The following PRDM5 variants were observed in gnomAD, a reference collection of about 807,000 sequenced individuals.
PRDM5 encodes the protein PR domain zinc finger protein 5.
PRDM5 carries 56 observed loss-of-function variants against 81.2 expected under a neutral mutation model. The ratio of observed to expected loss-of-function variants is 0.69; its 90% CI spans 0.56 to 0.86. The LOEUF (loss-of-function observed/expected upper bound fraction) is 0.86, where lower values mean the gene tolerates loss of function less well. Among genes scored for constraint, PRDM5 ranks in the 40% least tolerant of loss-of-function variants. PRDM5 has a pLI of 0.00. For synonymous variants in PRDM5, 267 were observed against 256.4 expected, an observed-to-expected ratio of 1.04 and a Z score of -0.39; for missense variants, 697 against 770.1, an observed-to-expected ratio of 0.91 and a Z score of 1.12.
intron 2 of PRDM5, among the ~76,000 whole-genome samples, chr4:120,899,050 T>A (rs1250605116): frequency 6.6e-6 from 1 of 152,216 alleles, no homozygotes; most frequent in African/African-American, 2.4e-5. Flanking sequence ...TTTTTCATAT[T>A]TCCTTACTTC....
chr4:120,808,425 C>G (rs1171211676), intron 8 of PRDM5, among the ~76,000 whole-genome samples: 2 of 152,158 alleles, frequency 1.3e-5, no homozygotes, highest in East Asian at 3.9e-4. Flanking sequence ...ACACAGGGTG[C>G]TGATTGGTGT....
At chr4:120,742,804 T>C (rs1742278094) in intron 14 of PRDM5, among the ~76,000 whole-genome samples, 1 of 151,920 alleles carries the variant, frequency 6.6e-6, no homozygotes, top group South Asian at 2.1e-4. Context: ...TACGTCTGAT[T>C]GGTGTACCTG....
chr4:120,690,448 T>C (rs1733998329), downstream of PRDM5, among the ~76,000 whole-genome samples: 1 of 152,096 alleles, frequency 6.6e-6, no homozygotes, highest in Non-Finnish European at 1.5e-5. Context: ...AAGCACTCAA[T>C]TCAGTGCTGT....
At chr4:120,883,809 C>T (rs897205215) in intron 2 of PRDM5, among the ~76,000 whole-genome samples, 4 of 152,040 alleles carry the variant, frequency 2.6e-5, no homozygotes, top group African/African-American at 7.2e-5. Context: ...CATAGCTCTT[C>T]AAATGAAACT....
chr4:120,832,167 G>A lies in PRDM5; in HGVS notation c.301-10822C>T, dbSNP rs902436626. ...ACTAGGATATTTATAAAGGAAAGAG[G>A]TTTAATTAACTCACAGTTCTGCATG... On this transcript the variant is annotated intron_variant, in intron 3 of 15. Transcript: ENST00000264808. 2.0e-5 allele frequency among the ~76,000 whole-genome samples: 3 copies of A among 152,128 alleles called. No individual in the cohort carries two copies. In the East Asian group the frequency reaches 5.8e-4, roughly 29 times the overall value.
At chr4:120,705,905 T>C (rs1029997998) in intron 15 of PRDM5, among the ~76,000 whole-genome samples, 23 of 152,058 alleles carry the variant, frequency 1.5e-4, no homozygotes, top group Non-Finnish European at 2.6e-4. Flanking sequence ...GTAGAACCAA[T>C]TGGATATGCT....
At chr4:120,777,307 A>C (rs373558341) in intron 12 of PRDM5, 26 bp from the exon 13 acceptor site, 2 of 1,612,914 alleles carry the variant, frequency 1.2e-6, no homozygotes, top group Admixed American at 3.3e-5. Flanking sequence ...TAAAAAGGCT[A>C]AGGATAAATA....
intron 14 of PRDM5, among the ~76,000 whole-genome samples, chr4:120,727,799 A>G (rs2149076025): frequency 6.6e-6 from 1 of 152,088 alleles, no homozygotes; most frequent in Middle Eastern, 3.4e-3. Flanking sequence ...TTAGCTGGAC[A>G]GTGGCTCACG....
At chr4:120,703,275 T>C (rs1735641063) in intron 15 of PRDM5, among the ~76,000 whole-genome samples, 1 of 152,154 alleles carries the variant, frequency 6.6e-6, no homozygotes, top group African/African-American at 2.4e-5. Flanking sequence ...AGCCTTGAAT[T>C]CCTAGGCTCA....
intron 14 of PRDM5, among the ~76,000 whole-genome samples, chr4:120,726,728 C>T (rs1739466378): frequency 6.6e-6 from 1 of 152,192 alleles, no homozygotes; most frequent in African/African-American, 2.4e-5. Flanking sequence ...CAAAGGGCCT[C>T]TCTCCAGGCA....
chr4:120,750,687 T>TACACACACAC (rs56024428), intron 14 of PRDM5, among the ~76,000 whole-genome samples: 236 of 147,626 alleles, frequency 1.6e-3, no homozygotes, highest in East Asian at 9.6e-3. Flanking sequence ...TAGTTTCTTT[T>TACACACACAC]ACACACACAC....
intron 2 of PRDM5, among the ~76,000 whole-genome samples, chr4:120,865,514 C>G (rs1334235704): frequency 1.3e-5 from 2 of 151,076 alleles, no homozygotes; most frequent in African/African-American, 2.4e-5. Flanking sequence ...ACTGGGTTAC[C>G]ACCAGCTGCT....
rs1578560281 is a variant in PRDM5, at chr4:120,695,295, C to A, written c.1729-20G>T. The A allele has an allele frequency of 6.2e-7, 1 of 1,612,648 alleles. No homozygotes were observed. Among genetic ancestry groups the A allele is most frequent in the Non-Finnish European group, 8.5e-7 (1 of 1,179,214 alleles). On this transcript the variant is annotated intron_variant, in intron 15 of 15. Coordinates refer to ENST00000264808, the MANE Select transcript of PRDM5 (RefSeq NM_018699.4). ...ACAAACCTAGAAAAGACCCAAAGACCAACCATATTATACTGAAATAAACAA... is the reference window on the plus strand; with the variant it reads ...ACAAACCTAGAAAAGACCCAAAGACAAACCATATTATACTGAAATAAACAA...
At chr4:120,812,768 C>T (rs1232605823) in intron 7 of PRDM5, 1 of 409,042 alleles carries the variant, frequency 2.4e-6, no homozygotes. Flanking sequence ...TCATATACCA[C>T]CTTTCTCATA....
downstream of PRDM5, among the ~76,000 whole-genome samples, chr4:120,691,117 A>G (rs531132468): frequency 6.6e-6 from 1 of 152,100 alleles, no homozygotes; most frequent in Non-Finnish European, 1.5e-5. Flanking sequence ...TGTGTTAAGA[A>G]TTTTTTTAAA....
At chr4:120,883,525 G>GT (rs1209915613) in intron 2 of PRDM5, among the ~76,000 whole-genome samples, 1 of 143,544 alleles carries the variant, frequency 7.0e-6, no homozygotes, top group Non-Finnish European at 1.5e-5. Context: ...TCTGAAACTG[G>GT]TTCTAAGAAG....
intron 10 of PRDM5, among the ~76,000 whole-genome samples, chr4:120,791,156 T>G (rs1750516998): frequency 6.6e-6 from 1 of 152,160 alleles, no homozygotes; most frequent in Non-Finnish European, 1.5e-5. Flanking sequence ...TAAAGTAGAC[T>G]TCCTATTTGA....
At chr4:120,909,058 A>C (rs1046062508) in intron 1 of PRDM5, among the ~76,000 whole-genome samples, 1 of 152,376 alleles carries the variant, frequency 6.6e-6, no homozygotes, top group East Asian at 1.9e-4. Flanking sequence ...CATGTGCTGC[A>C]TTCCAAATAA....
intron 13 of PRDM5, among the ~76,000 whole-genome samples, chr4:120,764,150 AATAG>A (rs1746039867): frequency 6.6e-6 from 1 of 152,228 alleles, no homozygotes; most frequent in African/African-American, 2.4e-5. Context: ...ATAATTTACC[AATAG>A]ATAAAGCTGT....
Sources: allele counts gnomAD v4.1 joint callset (sites outside exome capture counted in the v4.1 genomes callset), GRCh38; gene constraint gnomAD v4.1.1; transcripts MANE v1.5; gene names NCBI Gene and HGNC (gene_info 2026-07-23, HGNC 2026-07-21).